The following TECRL variants were observed in gnomAD, a reference collection of about 807,000 sequenced individuals.
TECRL encodes the protein trans-2,3-enoyl-CoA reductase-like.
In TECRL, 63 loss-of-function variants were observed where a neutral mutation model predicts 52.8. The observed-to-expected ratio is 1.19, with a 90% CI of 0.97 to 1.47. TECRL has a LOEUF of 1.47. Ranked by LOEUF, TECRL falls within the 40% of genes most tolerant of loss-of-function variation. The pLI is 0.00. For missense variants in TECRL, 482 were observed against 429.6 expected, an observed-to-expected ratio of 1.12 and a Z score of -1.08; for synonymous variants, 164 against 141.9, an observed-to-expected ratio of 1.16 and a Z score of -1.10.
chr4:64,375,327 A>G, intron 1 of TECRL, 104 bp from the exon 2 acceptor site: 1 of 553,046 alleles, frequency 1.8e-6, no homozygotes, highest in Non-Finnish European at 3.0e-6. Flanking sequence ...CTTACACAAT[A>G]AGAATTTTTG....
chr4:64,305,909 T>A (rs1381826648), intron 6 of TECRL, among the ~76,000 whole-genome samples: 1 of 152,186 alleles, frequency 6.6e-6, no homozygotes, highest in Non-Finnish European at 1.5e-5. Context: ...ATGTCCCTTG[T>A]TGCTGCTGAG....
Position 64,323,952 on chromosome 4 carries a change from G to T in TECRL, c.332-1160C>A, listed in dbSNP as rs113921649. Among the ~76,000 whole-genome samples the T allele has an allele frequency of 8.8e-3, 1,343 of 152,260 alleles. 17 individuals are homozygous for T. The highest frequency in any genetic ancestry group is 0.031 in the African/African-American group (1,277 of 41,550). On this transcript the variant is annotated intron_variant, in intron 3 of 11. Coordinates refer to ENST00000381210, the MANE Select transcript of TECRL (RefSeq NM_001010874.5). ...GACAAATAGGCAGCAGGGTAGAAGT[G>T]TGTGTAGATATTTGAAAGTCATTAA...
chr4:64,348,447 T>C (rs1229123504), intron 2 of TECRL, among the ~76,000 whole-genome samples: 3 of 152,216 alleles, frequency 2.0e-5, no homozygotes, highest in Non-Finnish European at 2.9e-5. Flanking sequence ...AGCCAAACCA[T>C]ATAACTTCAC....
At chr4:64,368,526 C>A (rs1721768782) in intron 2 of TECRL, among the ~76,000 whole-genome samples, 2 of 152,082 alleles carry the variant, frequency 1.3e-5, no homozygotes, top group South Asian at 2.1e-4. Context: ...AAACTCCTGA[C>A]CTCATGATCC....
intron 1 of TECRL, chr4:64,397,807 G>A (rs1042165979): frequency 1.3e-5 from 2 of 152,002 alleles, no homozygotes; most frequent in East Asian, 3.9e-4. Flanking sequence ...TTGTTTATAA[G>A]CCACTTGGTA....
At chr4:64,321,471 G>A (rs867923972) in intron 4 of TECRL, among the ~76,000 whole-genome samples, 15 of 152,114 alleles carry the variant, frequency 9.9e-5, no homozygotes, top group Non-Finnish European at 1.8e-4. Flanking sequence ...TAAATGCAAA[G>A]AAAAACTTTC....
rs1243692574 is a variant in TECRL, at chr4:64,346,421, G to A, written c.287-17865C>T. Among the ~76,000 whole-genome samples, 4 of 152,208 alleles carry A rather than the reference G, an allele frequency of 2.6e-5. No individual in the cohort carries two copies. The East Asian group carries it at 7.7e-4, about 29-fold the overall frequency. On this transcript the variant is annotated intron_variant, in intron 2 of 11. Transcript: ENST00000381210. ...ACAGCCGACTTCTGTCTAGACATCC[G>A]GGGGTTTCCATACCTCCTCTGAAAT...
intron 2 of TECRL, among the ~76,000 whole-genome samples, chr4:64,353,049 A>T (rs1720509322): frequency 6.6e-6 from 1 of 152,202 alleles, no homozygotes; most frequent in African/African-American, 2.4e-5. Context: ...ACAAATTTTT[A>T]TACTACTGGA....
chr4:64,293,974 A>G (rs1222541052), intron 8 of TECRL, among the ~76,000 whole-genome samples: 4 of 144,640 alleles, frequency 2.8e-5, no homozygotes, highest in Non-Finnish European at 4.5e-5. Flanking sequence ...CTACATATAT[A>G]TATATAAAAT....
chr4:64,345,457 A>C (rs1719885090), intron 2 of TECRL, among the ~76,000 whole-genome samples: 1 of 148,872 alleles, frequency 6.7e-6, no homozygotes, highest in African/African-American at 2.5e-5. Flanking sequence ...ACGGCAAAAA[A>C]CCAAACACCA....
intron 9 of TECRL, among the ~76,000 whole-genome samples, chr4:64,288,311 C>T (rs367833340): frequency 1.8e-4 from 27 of 152,042 alleles, no homozygotes; most frequent in East Asian, 9.7e-4. Context: ...GCATAGTGAC[C>T]GGCTATCAGA....
intron 4 of TECRL, among the ~76,000 whole-genome samples, chr4:64,322,238 TGC>T (rs1430778450): frequency 5.3e-5 from 8 of 152,022 alleles, no homozygotes; most frequent in African/African-American, 1.9e-4. Flanking sequence ...ATTTCTTCCC[TGC>T]TATATAAACC....
intron 2 of TECRL, among the ~76,000 whole-genome samples, chr4:64,354,389 A>G (rs1720614468): frequency 6.6e-6 from 1 of 152,200 alleles, no homozygotes; most frequent in Non-Finnish European, 1.5e-5. Context: ...GTAATATAAG[A>G]GAGGAGAATG....
intron 3 of TECRL, among the ~76,000 whole-genome samples, chr4:64,324,388 CTAT>C (rs1718110911): frequency 6.6e-6 from 1 of 151,398 alleles, no homozygotes; most frequent in African/African-American, 2.4e-5. Context: ...AAATATAATC[CTAT>C]TATTGTTGTT....
Position 64,299,996 on chromosome 4 carries a change from G to A in TECRL, c.752C>T (p.Thr251Ile). ...TACCAGAAAATTGATAGCAGATACTGTGATTTGCCTGTTTCCAAATGCTGG... is the reference window on the plus strand; with the variant it reads ...TACCAGAAAATTGATAGCAGATACTATGATTTGCCTGTTTCCAAATGCTGG... ...TPPSFGNRQI[T>I]VSAINFLICE... Residue 251 changes from threonine (T) to isoleucine (I), a missense_variant, in exon 8 of 12, where the codon ACA becomes ATA. Transcript: ENST00000381210. 1.3e-6 allele frequency: 2 copies of A among 1,582,122 alleles called. No individual in the cohort carries two copies. The highest frequency in any genetic ancestry group is 1.1e-5 in the South Asian group (1 of 86,984).
chr4:64,313,769 C>T (rs1046229546), intron 5 of TECRL, among the ~76,000 whole-genome samples: 2 of 150,934 alleles, frequency 1.3e-5, no homozygotes, highest in African/African-American at 4.9e-5. Context: ...GCGTGAGCCA[C>T]CAGCACGGCT....
rs370384463 is a variant in TECRL, at chr4:64,289,763, C to A, written c.779G>T (p.Cys260Phe). ...ATTGATGAAATGATTCCCAGCTTCA[C>A]AAATCTGCAAAACATTTTAAACACT... ...ITVSAINFLI[C>F]EAGNHFINVM... The change falls in exon 9 of 12, where the codon TGT becomes TTT. Residue 260 changes from cysteine (C) to phenylalanine (F), a missense_variant. Transcript: ENST00000381210. The A allele has an allele frequency of 1.3e-6, 2 of 1,547,650 alleles. No homozygotes were observed. The highest frequency in any genetic ancestry group is 1.7e-6 in the Non-Finnish European group (2 of 1,156,614).
At chr4:64,281,699 A>G in intron 9 of TECRL, 140 bp from the exon 10 acceptor site, 2 of 529,032 alleles carry the variant, frequency 3.8e-6, no homozygotes, top group Non-Finnish European at 6.8e-6. Context: ...CCTATTTTGC[A>G]AATTACTCAG....
chr4:64,402,520 A>T (rs985587701), intron 1 of TECRL, among the ~76,000 whole-genome samples: 2 of 152,122 alleles, frequency 1.3e-5, no homozygotes, highest in African/African-American at 4.8e-5. Context: ...ACATCTGCTT[A>T]TAGGAGACCC....
Sources: allele counts gnomAD v4.1 joint callset (sites outside exome capture counted in the v4.1 genomes callset), GRCh38; gene constraint gnomAD v4.1.1; transcripts MANE v1.5; gene names NCBI Gene and HGNC (gene_info 2026-07-23, HGNC 2026-07-21).